The following BLNK variants were observed in gnomAD, a reference collection of about 807,000 sequenced individuals.
BLNK encodes B cell linker, also known as B-cell linker protein.
A neutral mutation model predicts 73.5 loss-of-function variants in BLNK; 29 were observed. That is an observed-to-expected ratio of 0.39 (90% CI 0.29 to 0.54). The LOEUF is 0.54. Among genes scored for constraint, BLNK ranks in the 20% least tolerant of loss-of-function variants. The pLI is 0.61. For synonymous variants in BLNK, 176 were observed against 200.8 expected, an observed-to-expected ratio of 0.88 and a Z score of 1.04; for missense variants, 460 against 562.8, an observed-to-expected ratio of 0.82 and a Z score of 1.85.
chr10:96,216,803 AT>A, intron 6 of BLNK, 69 bp from the exon 7 acceptor site: 3 of 1,334,090 alleles, frequency 2.2e-6, no homozygotes, highest in South Asian at 1.2e-5. Context: ...GGAGGGAGTG[AT>A]TTTTTTAAAA....
At chr10:96,208,036 G>T (rs782570735) in intron 9 of BLNK, 137 bp from the exon 10 acceptor site, 86 of 907,676 alleles carry the variant, frequency 9.5e-5, no homozygotes, top group Non-Finnish European at 1.4e-4. Context: ...CTTGCAGGGT[G>T]GAGAGGGATG....
At chr10:96,198,871 T>G (rs1554895331) in intron 15 of BLNK, among the ~76,000 whole-genome samples, 1 of 152,132 alleles carries the variant, frequency 6.6e-6, no homozygotes, top group Non-Finnish European at 1.5e-5. Context: ...GCTAATTTTT[T>G]TATTTTCAGT....
intron 3 of BLNK, among the ~76,000 whole-genome samples, chr10:96,234,360 C>T (rs1564836821): frequency 6.6e-6 from 1 of 152,196 alleles, no homozygotes; most frequent in Non-Finnish European, 1.5e-5. Context: ...CATAAAGTTA[C>T]AGTCTTGCAG....
chr10:96,254,499 G>GTTTTTTTTTTTTTTTTTTT (rs113008211), intron 1 of BLNK, among the ~76,000 whole-genome samples: 2 of 146,360 alleles, frequency 1.4e-5, no homozygotes, highest in African/African-American at 5.1e-5. Flanking sequence ...TCTTCAATGA[G>GTTTTTTTTTTTTTTTTTTT]TTTTTTTTTT....
intron 13 of BLNK, 24 bp from the exon 14 acceptor site, chr10:96,201,082 T>C: frequency 6.3e-7 from 1 of 1,589,112 alleles, no homozygotes; most frequent in Non-Finnish European, 8.6e-7. Context: ...GAAAAGTCCT[T>C]CAATTAATCT....
At chr10:96,254,699 C>T (rs553268445) in intron 1 of BLNK, among the ~76,000 whole-genome samples, 4 of 151,942 alleles carry the variant, frequency 2.6e-5, no homozygotes, top group African/African-American at 9.7e-5. Flanking sequence ...TTAGTAGAGA[C>T]GGGGTTTCAC....
Position 96,191,925 on chromosome 10 carries a change from CTT to C in BLNK, c.*46_*47del. On this transcript the variant is annotated 3_prime_UTR_variant, in exon 17 of 17. Coordinates refer to ENST00000224337, the MANE Select transcript of BLNK (RefSeq NM_013314.4). ...TGGGACTTTTTCTCAAAAGGAGAAA[CTT>C]TGGGAAAGTGTCTGAAGCAATGGTA... 1 of 1,611,412 alleles carries C rather than the reference CTT, an allele frequency of 6.2e-7. No homozygotes were observed. The highest frequency in any genetic ancestry group is 2.2e-5 in the East Asian group (1 of 44,716).
At chr10:96,192,244 A>G in intron 16 of BLNK, 152 bp from the exon 17 acceptor site, 1 of 1,095,452 alleles carries the variant, frequency 9.1e-7, no homozygotes. Flanking sequence ...CAAAGGCTGT[A>G]ACCTTCAAGG....
chr10:96,230,286 T>A (rs1037264152), intron 4 of BLNK, among the ~76,000 whole-genome samples: 3 of 152,138 alleles, frequency 2.0e-5, no homozygotes, highest in African/African-American at 7.2e-5. Flanking sequence ...AAGAGCCTGG[T>A]CCTGAGATCT....
intron 1 of BLNK, among the ~76,000 whole-genome samples, chr10:96,262,004 AT>A (rs1554913009): frequency 1.3e-5 from 2 of 152,168 alleles, no homozygotes; most frequent in East Asian, 3.9e-4. Context: ...ACCCTTGGTC[AT>A]AGCCTCCCTC....
At chr10:96,196,774 C>T (rs2083476869) in intron 16 of BLNK, 134 bp downstream of exon 16, 2 of 874,070 alleles carry the variant, frequency 2.3e-6, no homozygotes, top group Non-Finnish European at 3.5e-6. Flanking sequence ...ATCTTGTTCT[C>T]TATGACATTT....
intron 1 of BLNK, among the ~76,000 whole-genome samples, chr10:96,252,576 G>A (rs1008135254): frequency 1.3e-5 from 2 of 152,218 alleles, no homozygotes; most frequent in African/African-American, 4.8e-5. Flanking sequence ...TTGGGTGTGC[G>A]CTTTTCAGTC....
At chr10:96,254,876 C>A (rs1309175319) in intron 1 of BLNK, among the ~76,000 whole-genome samples, 1 of 152,162 alleles carries the variant, frequency 6.6e-6, no homozygotes, top group Non-Finnish European at 1.5e-5. Flanking sequence ...TCTACATCTC[C>A]TTCTTGGATG....
intron 1 of BLNK, among the ~76,000 whole-genome samples, chr10:96,254,745 A>G (rs1395592576): frequency 3.3e-5 from 5 of 152,118 alleles, no homozygotes; most frequent in Non-Finnish European, 5.9e-5. Flanking sequence ...TTCTGACCTC[A>G]GGTAATCCGC....
chr10:96,214,212 G>A (rs1171318210), intron 8 of BLNK, among the ~76,000 whole-genome samples: 3 of 152,144 alleles, frequency 2.0e-5, no homozygotes, highest in East Asian at 1.9e-4. Flanking sequence ...GAGAGGAAAT[G>A]CCTGTGAGAA....
rs1015925083 is a variant in BLNK at position 96,256,056 on chromosome 10, G to T, written c.48-9007C>A. Among the ~76,000 whole-genome samples, 28 of 152,212 alleles carry T rather than the reference G, an allele frequency of 1.8e-4. 1 individual carries two copies. The highest frequency in any genetic ancestry group is 1.7e-3 in the Admixed American group (26 of 15,282). On this transcript the variant is annotated intron_variant, in intron 1 of 16. Transcript: ENST00000224337. ...CAATAAGAAAAAGGAAAAGGGCCAGGCGTGGTGGTTCATGCCTGTAATCCC... is the reference window on the plus strand; with the variant it reads ...CAATAAGAAAAAGGAAAAGGGCCAGTCGTGGTGGTTCATGCCTGTAATCCC...
At chr10:96,216,478 T>C (rs782495372) in intron 7 of BLNK, 175 bp downstream of exon 7, 2 of 664,066 alleles carry the variant, frequency 3.0e-6, no homozygotes, top group Middle Eastern at 2.6e-4. Context: ...TACACAGAGA[T>C]GGGTTGTCAC....
intron 11 of BLNK, chr10:96,205,136 A>G (rs2083763616): frequency 6.1e-6 from 1 of 163,748 alleles, no homozygotes. Flanking sequence ...TTATCCCTAT[A>G]ATAATGTAAA....
At chr10:96,256,752 G>A (rs1267700866) in intron 1 of BLNK, among the ~76,000 whole-genome samples, 2 of 151,858 alleles carry the variant, frequency 1.3e-5, no homozygotes, top group South Asian at 2.1e-4. Context: ...GTGGTGGCGT[G>A]TGCCTGTAAT....
Sources: allele counts gnomAD v4.1 joint callset (sites outside exome capture counted in the v4.1 genomes callset), GRCh38; gene constraint gnomAD v4.1.1; transcripts MANE v1.5; gene names NCBI Gene and HGNC (gene_info 2026-07-23, HGNC 2026-07-21).